The following TBC1D22A variants were observed in gnomAD, a reference collection of about 807,000 sequenced individuals.
TBC1D22A encodes putative GTPase activator.
TBC1D22A carries 38 observed loss-of-function variants against 60.2 expected under a neutral mutation model. The observed-to-expected ratio is 0.63, with a 90% CI of 0.49 to 0.83. TBC1D22A has a LOEUF of 0.83. Among genes scored for constraint, TBC1D22A ranks in the 40% least tolerant of loss-of-function variants. TBC1D22A has a pLI of 0.00. For missense variants in TBC1D22A, 628 were observed against 701.0 expected (o/e 0.90, Z 1.18); for synonymous variants, 302 against 281.7 (o/e 1.07, Z -0.72).
At chr22:47,143,054 A>G (rs2147150139) in intron 12 of TBC1D22A, among the ~76,000 whole-genome samples, 1 of 152,092 alleles carries the variant, frequency 6.6e-6, no homozygotes, top group East Asian at 2.0e-4. Context: ...GGAGACATTA[A>G]GAACCACCCA....
At chr22:47,153,605 G>A (rs890679323) in intron 12 of TBC1D22A, among the ~76,000 whole-genome samples, 2 of 152,104 alleles carry the variant, frequency 1.3e-5, no homozygotes, top group African/African-American at 2.4e-5. Flanking sequence ...AGCTGTGGCC[G>A]TCGTGCAAGC....
chr22:47,005,022 CATAT>C (rs1204284019), intron 10 of TBC1D22A, among the ~76,000 whole-genome samples: 4 of 151,778 alleles, frequency 2.6e-5, no homozygotes, highest in Admixed American at 6.6e-5. Flanking sequence ...CATCCCTATA[CATAT>C]AGACAGGCCT....
Position 47,173,610 on chromosome 22 carries a change from A to G in TBC1D22A, c.1538A>G (p.Asn513Ser), listed in dbSNP as rs752962513. 141 of 1,613,772 alleles carry G rather than the reference A, an allele frequency of 8.7e-5. No homozygotes were observed. The highest frequency in any genetic ancestry group is 4.0e-4 in the Admixed American group (24 of 60,008). Residue 513 changes from asparagine to serine, a missense_variant, in exon 13 of 13, where the codon AAT becomes AGT. Coordinates refer to ENST00000337137, the MANE Select transcript of TBC1D22A (RefSeq NM_014346.5). ...AAGTTTGCTTTTGCCGACGCCCCCA[A>G]TCACTACAAGAAATGAGCCCAGGCC... is the stretch of plus-strand genomic sequence containing the variant. Reference protein sequence around the residue: ...RLKFAFADAPNHYKK With the variant: ...RLKFAFADAPSHYKK
intron 8 of TBC1D22A, among the ~76,000 whole-genome samples, chr22:46,943,355 C>A (rs954374494): frequency 1.3e-5 from 2 of 152,170 alleles, no homozygotes; most frequent in Non-Finnish European, 2.9e-5. Context: ...ACATGATAGA[C>A]CTTTGCAATA....
At chr22:47,036,209 T>C (rs543178369) in intron 10 of TBC1D22A, among the ~76,000 whole-genome samples, 8 of 152,202 alleles carry the variant, frequency 5.3e-5, no homozygotes, top group East Asian at 1.9e-4. Flanking sequence ...TCCGGCTCAA[T>C]TGGGCAATAA....
chr22:47,171,762 C>T (rs1002371528), intron 12 of TBC1D22A, among the ~76,000 whole-genome samples: 2 of 152,124 alleles, frequency 1.3e-5, no homozygotes, highest in African/African-American at 2.4e-5. Context: ...GGGGGTCCCC[C>T]GAGGACCTGT....
chr22:46,791,871 C>A (rs1276590890), intron 1 of TBC1D22A, among the ~76,000 whole-genome samples: 1 of 152,210 alleles, frequency 6.6e-6, no homozygotes, highest in Non-Finnish European at 1.5e-5. Context: ...AGCCATTCTT[C>A]TGCCTCAGCC....
At position 46,924,364 on chromosome 22, in the gene TBC1D22A, A is replaced by G. The variant is rs765017794; in HGVS notation, c.1015+12176A>G. ...CTCACCATCAGTATGTTTAATATCT[A>G]ATTGACTTGATTTTCTATGTCATTT... On this transcript the variant is annotated intron_variant, in intron 8 of 12. Transcript: ENST00000337137. 4.6e-5 allele frequency among the ~76,000 whole-genome samples: 7 copies of G among 152,240 alleles called. No homozygotes were observed. The South Asian group carries it at 8.3e-4, about 18-fold the overall frequency.
At chr22:47,100,326 CT>C (rs1168021815) in intron 11 of TBC1D22A, among the ~76,000 whole-genome samples, 1 of 151,780 alleles carries the variant, frequency 6.6e-6, no homozygotes, top group Non-Finnish European at 1.5e-5. Context: ...GGAATGAGGC[CT>C]TTGGGCACAG....
intron 8 of TBC1D22A, among the ~76,000 whole-genome samples, chr22:46,927,387 TG>T (rs1309956936): frequency 6.6e-5 from 10 of 152,216 alleles, no homozygotes; most frequent in Admixed American, 2.6e-4. Flanking sequence ...AGAAAGCATT[TG>T]ACAAAATCCA....
At chr22:46,898,332 A>G (rs1397670140) in intron 7 of TBC1D22A, among the ~76,000 whole-genome samples, 1 of 152,172 alleles carries the variant, frequency 6.6e-6, no homozygotes, top group Non-Finnish European at 1.5e-5. Flanking sequence ...TGATGAGACA[A>G]CGCTCAATCA....
intron 12 of TBC1D22A, among the ~76,000 whole-genome samples, chr22:47,164,116 G>C (rs1039382602): frequency 3.3e-5 from 5 of 152,250 alleles, no homozygotes; most frequent in African/African-American, 1.2e-4. Context: ...AGGCCTCCGT[G>C]GGCTGCGCCA....
chr22:47,006,208 C>T (rs1475878096), intron 10 of TBC1D22A, among the ~76,000 whole-genome samples: 1 of 152,194 alleles, frequency 6.6e-6, no homozygotes, highest in African/African-American at 2.4e-5. Context: ...ACCCTGTCTC[C>T]TCCAGGAGAG....
chr22:46,920,094 G>T (rs1383883537), intron 8 of TBC1D22A, among the ~76,000 whole-genome samples: 1 of 72,820 alleles, frequency 1.4e-5, no homozygotes, highest in South Asian at 4.6e-4. Context: ...TATGAATGAA[G>T]GAGAGAGACA....
At chr22:47,054,710 G>C (rs985848231) in intron 11 of TBC1D22A, among the ~76,000 whole-genome samples, 1 of 152,212 alleles carries the variant, frequency 6.6e-6, no homozygotes, top group African/African-American at 2.4e-5. Context: ...TAGCAGGGCC[G>C]GTGGTGGGCG....
At chr22:46,898,764 T>G (rs58082137) in intron 7 of TBC1D22A, among the ~76,000 whole-genome samples, 2,347 of 152,278 alleles carry the variant, frequency 0.015, 66 homozygotes, top group African/African-American at 0.053. Flanking sequence ...GGAATTTCCT[T>G]GTGGGCAAAA....
At chr22:46,909,605 G>A (rs1410554988) in intron 7 of TBC1D22A, among the ~76,000 whole-genome samples, 1 of 152,168 alleles carries the variant, frequency 6.6e-6, no homozygotes, top group Non-Finnish European at 1.5e-5. Flanking sequence ...TGTGTGGCCA[G>A]CTTCCGTGGA....
At chr22:47,104,694 CAAA>C (rs34812715) in intron 11 of TBC1D22A, among the ~76,000 whole-genome samples, 9 of 102,134 alleles carry the variant, frequency 8.8e-5, no homozygotes, top group African/African-American at 7.6e-5. Flanking sequence ...GACTCTGTCT[CAAA>C]AAAAAAAAAA....
chr22:47,004,836 C>T (rs1310494086), intron 10 of TBC1D22A, among the ~76,000 whole-genome samples: 16 of 151,120 alleles, frequency 1.1e-4, no homozygotes, highest in Non-Finnish European at 2.4e-4. Flanking sequence ...TGTATAGATA[C>T]ACCCACACTA....
Sources: allele counts gnomAD v4.1 joint callset (sites outside exome capture counted in the v4.1 genomes callset), GRCh38; gene constraint gnomAD v4.1.1; transcripts MANE v1.5; gene names NCBI Gene and HGNC (gene_info 2026-07-23, HGNC 2026-07-21).